The following PDZRN4 variants were observed in gnomAD, a reference collection of about 807,000 sequenced individuals.
The protein encoded by PDZRN4 is PDZ domain-containing RING finger protein 4.
PDZRN4 carries 70 observed loss-of-function variants against 99.0 expected under a neutral mutation model. The observed-to-expected ratio is 0.71, with a 90% CI of 0.58 to 0.86. PDZRN4 has a LOEUF of 0.86. Among genes scored for constraint, PDZRN4 ranks in the 40% least tolerant of loss-of-function variants. The pLI, the probability that PDZRN4 is intolerant of heterozygous loss-of-function variation, is 0.00. For synonymous variants in PDZRN4, 551 were observed against 501.6 expected, an observed-to-expected ratio of 1.10 and a Z score of -1.32; for missense variants, 1,474 against 1,331.2, an observed-to-expected ratio of 1.11 and a Z score of -1.67.
chr12:41,531,003 T>C (rs1938651413), intron 5 of PDZRN4, among the ~76,000 whole-genome samples: 2 of 152,070 alleles, frequency 1.3e-5, no homozygotes, highest in Admixed American at 1.3e-4. Context: ...GGTAGATATT[T>C]ACAGCTCCTG....
chr12:41,445,051 T>C (rs1227681506), intron 3 of PDZRN4, among the ~76,000 whole-genome samples: 1 of 152,018 alleles, frequency 6.6e-6, no homozygotes, highest in Non-Finnish European at 1.5e-5. Context: ...ATATAACTTC[T>C]TTATATTTTC....
intron 3 of PDZRN4, among the ~76,000 whole-genome samples, chr12:41,502,538 A>G (rs1938129526): frequency 6.6e-6 from 1 of 152,088 alleles, no homozygotes; most frequent in South Asian, 2.1e-4. Flanking sequence ...GCTCCTAACC[A>G]TATTCATATT....
intron 3 of PDZRN4, among the ~76,000 whole-genome samples, chr12:41,346,501 T>C (rs555946516): frequency 6.6e-6 from 1 of 151,940 alleles, no homozygotes; most frequent in Non-Finnish European, 1.5e-5. Context: ...AAAAATAAAT[T>C]AAATTAAAAT....
intron 3 of PDZRN4, among the ~76,000 whole-genome samples, chr12:41,350,082 A>AATTTTATGTAATTTTATG (rs1951880078): frequency 6.6e-6 from 1 of 152,118 alleles, no homozygotes; most frequent in African/African-American, 2.4e-5. Context: ...TGAGTCTTCC[A>AATTTTATGTAATTTTATG]TCAGTTTGGT....
chr12:41,252,920 TA>T (rs1258929638), intron 3 of PDZRN4, among the ~76,000 whole-genome samples: 3 of 152,192 alleles, frequency 2.0e-5, no homozygotes, highest in Non-Finnish European at 2.9e-5. Flanking sequence ...AATATATACT[TA>T]AAATGGGTAT....
intron 3 of PDZRN4, among the ~76,000 whole-genome samples, chr12:41,258,940 G>A (rs11612056): frequency 0.1 from 15,304 of 151,882 alleles, 883 homozygotes; most frequent in East Asian, 0.18. Flanking sequence ...CTTTTATGTT[G>A]GTAAAGACAC....
At chr12:41,541,338 A>G (rs906729264) in intron 5 of PDZRN4, among the ~76,000 whole-genome samples, 4 of 152,138 alleles carry the variant, frequency 2.6e-5, no homozygotes, top group Admixed American at 1.3e-4. Flanking sequence ...AGGGCTTACA[A>G]GATTCCAAAA....
intron 3 of PDZRN4, among the ~76,000 whole-genome samples, chr12:41,244,621 A>C (rs1951121505): frequency 6.7e-6 from 1 of 149,968 alleles, no homozygotes; most frequent in Non-Finnish European, 1.5e-5. Flanking sequence ...AGTGTTGCCC[A>C]TGCCAGGCTT....
chr12:41,347,030 T>C (rs1849199385), intron 3 of PDZRN4, among the ~76,000 whole-genome samples: 1 of 152,216 alleles, frequency 6.6e-6, no homozygotes, highest in Non-Finnish European at 1.5e-5. Context: ...GGATAAATCA[T>C]ATTTAGTTTA....
At chr12:41,203,005 T>C (rs772701072) in intron 3 of PDZRN4, among the ~76,000 whole-genome samples, 7 of 151,912 alleles carry the variant, frequency 4.6e-5, no homozygotes, top group Admixed American at 6.6e-5. Flanking sequence ...AAATCATATT[T>C]CAGAAAAAAA....
At chr12:41,253,368 G>T (rs144895903) in intron 3 of PDZRN4, among the ~76,000 whole-genome samples, 1 of 152,248 alleles carries the variant, frequency 6.6e-6, no homozygotes, top group East Asian at 1.9e-4. Flanking sequence ...CAGGGTTCTA[G>T]TTTCATTCTT....
At chr12:41,386,490 A>G (rs1952171609) in intron 3 of PDZRN4, among the ~76,000 whole-genome samples, 1 of 152,246 alleles carries the variant, frequency 6.6e-6, no homozygotes, top group African/African-American at 2.4e-5. Flanking sequence ...AAACAAATTG[A>G]AAAACATTCC....
At chr12:41,277,393 G>T (rs1019626975) in intron 3 of PDZRN4, among the ~76,000 whole-genome samples, 2 of 152,188 alleles carry the variant, frequency 1.3e-5, no homozygotes, top group African/African-American at 2.4e-5. Flanking sequence ...CGTGAGTTCT[G>T]GGTGGATTTG....
chr12:41,448,904 T>G (rs774652338), intron 3 of PDZRN4, among the ~76,000 whole-genome samples: 6 of 152,250 alleles, frequency 3.9e-5, no homozygotes, highest in Non-Finnish European at 7.4e-5. Context: ...TTGAGGAAAC[T>G]GTCATTGCTT....
At chr12:41,436,422 C>T (rs1480497984) in intron 3 of PDZRN4, among the ~76,000 whole-genome samples, 1 of 152,188 alleles carries the variant, frequency 6.6e-6, no homozygotes, top group Non-Finnish European at 1.5e-5. Flanking sequence ...AAACATGTGA[C>T]AAAGCACTTT....
At chr12:41,385,224 T>C (rs1160169798) in intron 3 of PDZRN4, among the ~76,000 whole-genome samples, 1 of 149,478 alleles carries the variant, frequency 6.7e-6, no homozygotes, top group Non-Finnish European at 1.5e-5. Flanking sequence ...TGGGGAGGAG[T>C]TGCACAATTA....
At chr12:41,411,977 T>G (rs991615246) in intron 3 of PDZRN4, 1 of 152,222 alleles carries the variant, frequency 6.6e-6, no homozygotes, top group Non-Finnish European at 1.5e-5. Context: ...GTGTCTGCTA[T>G]ACATTTATAT....
intron 5 of PDZRN4, among the ~76,000 whole-genome samples, chr12:41,537,869 T>C (rs1938776460): frequency 6.6e-6 from 1 of 152,112 alleles, no homozygotes; most frequent in Non-Finnish European, 1.5e-5. Context: ...ATCAGATCTG[T>C]GAAGAGTCAC....
intron 3 of PDZRN4, among the ~76,000 whole-genome samples, chr12:41,341,417 C>T (rs146480344): frequency 1.5e-3 from 223 of 151,788 alleles, no homozygotes; most frequent in Non-Finnish European, 2.5e-3. Flanking sequence ...TTAAATTGTC[C>T]CTATTTGCAG....
Sources: gnomAD v4.1 joint callset for allele counts (sites outside exome capture counted in the v4.1 genomes callset) on GRCh38, gnomAD v4.1.1 for gene constraint, MANE v1.5 for transcripts, NCBI Gene and HGNC (gene_info 2026-07-23, HGNC 2026-07-21) for gene names.